UNC5C: variants seen among roughly 807,000 people sequenced by gnomAD.
UNC5C encodes unc-5 netrin receptor C.
In UNC5C, 47 loss-of-function variants were observed where a neutral mutation model predicts 99.8. The ratio of observed to expected loss-of-function variants is 0.47; its 90% confidence interval spans 0.37 to 0.60. The LOEUF is 0.60. Ranked by LOEUF, UNC5C falls within the 20% of genes least tolerant of loss-of-function variation. The probability of loss-of-function intolerance (pLI) is 0.00; values close to 1 mark genes in which losing one functional copy is unlikely to be tolerated. For missense variants in UNC5C, 1,062 were observed against 1,165.9 expected (o/e 0.91, Z 1.30); for synonymous variants, 487 against 452.2 (o/e 1.08, Z -0.98).
intron 5 of UNC5C, chr4:95,248,128 G>A (rs979315217): frequency 6.1e-6 from 1 of 164,896 alleles, no homozygotes; most frequent in African/African-American, 2.4e-5. Flanking sequence ...CTTTGGAACA[G>A]CATAGTGGTT....
intron 14 of UNC5C, among the ~76,000 whole-genome samples, chr4:95,177,331 G>T (rs1736405710): frequency 6.6e-6 from 1 of 152,172 alleles, no homozygotes; most frequent in Non-Finnish European, 1.5e-5. Flanking sequence ...GCCACACCCA[G>T]TTTCAGCCAT....
At chr4:95,357,126 C>CT (rs758274172) in intron 1 of UNC5C, among the ~76,000 whole-genome samples, 4 of 110,902 alleles carry the variant, frequency 3.6e-5, no homozygotes, top group East Asian at 4.0e-4. Flanking sequence ...TCTTGTTTTC[C>CT]TTTTTTTTGT....
chr4:95,290,818 A>G (rs905661889), intron 3 of UNC5C, among the ~76,000 whole-genome samples: 1 of 152,208 alleles, frequency 6.6e-6, no homozygotes, highest in African/African-American at 2.4e-5. Flanking sequence ...GTTCTCTCTT[A>G]GGAATTTACC....
At chr4:95,346,078 C>CAA (rs3068339) in intron 1 of UNC5C, among the ~76,000 whole-genome samples, 121,401 of 151,538 alleles carry the variant, frequency 0.8, 48,890 homozygotes, top group East Asian at 1. Flanking sequence ...GTTTCATTTT[C>CAA]AAGTTTTTTG....
At chr4:95,528,245 C>CTT (rs1383448568) in intron 1 of UNC5C, among the ~76,000 whole-genome samples, 1 of 152,120 alleles carries the variant, frequency 6.6e-6, no homozygotes, top group African/African-American at 2.4e-5. Flanking sequence ...TTGATTTGAA[C>CTT]TTACCTGAAG....
At chr4:95,232,660 C>G (rs1384513908) in intron 7 of UNC5C, among the ~76,000 whole-genome samples, 1 of 152,128 alleles carries the variant, frequency 6.6e-6, no homozygotes, top group African/African-American at 2.4e-5. Flanking sequence ...CTGTTTGGTG[C>G]TCCGTAGGTG....
chr4:95,257,629 T>G (rs1292004551), intron 4 of UNC5C, among the ~76,000 whole-genome samples: 2 of 152,192 alleles, frequency 1.3e-5, no homozygotes, highest in Non-Finnish European at 2.9e-5. Context: ...GAAAGGATAA[T>G]GATTCAGATT....
intron 2 of UNC5C, 106 bp from the exon 3 acceptor site, chr4:95,301,855 A>T: frequency 7.3e-7 from 1 of 1,365,262 alleles, no homozygotes; most frequent in Non-Finnish European, 9.9e-7. Flanking sequence ...GATGCCATAG[A>T]TCAACAACCC....
At chr4:95,538,607 T>C (rs1293659306) in intron 1 of UNC5C, among the ~76,000 whole-genome samples, 1 of 152,152 alleles carries the variant, frequency 6.6e-6, no homozygotes, top group Non-Finnish European at 1.5e-5. Context: ...CCCCACATCA[T>C]CAATGAATGG....
chr4:95,536,608 G>T (rs10018526), intron 1 of UNC5C, among the ~76,000 whole-genome samples: 22,561 of 151,994 alleles, frequency 0.15, 1,842 homozygotes, highest in Admixed American at 0.24. Context: ...TTATTGTGTG[G>T]CCAAATACAA....
chr4:95,516,154 T>C (rs542734753), intron 1 of UNC5C, among the ~76,000 whole-genome samples: 5 of 152,312 alleles, frequency 3.3e-5, no homozygotes, highest in Non-Finnish European at 5.9e-5. Flanking sequence ...TGTTTTCAGA[T>C]TGAATCCTTA....
intron 12 of UNC5C, among the ~76,000 whole-genome samples, chr4:95,201,768 T>C (rs1267891144): frequency 6.6e-6 from 1 of 151,868 alleles, no homozygotes; most frequent in African/African-American, 2.4e-5. Flanking sequence ...CATGCCCGGC[T>C]AATTTTTTTG....
intron 7 of UNC5C, among the ~76,000 whole-genome samples, chr4:95,220,552 T>A (rs1738434671): frequency 1.3e-5 from 2 of 152,190 alleles, no homozygotes; most frequent in African/African-American, 4.8e-5. Flanking sequence ...TTTAAAAACA[T>A]AAACATAAAC....
chr4:95,333,171 C>T (rs556506310), intron 2 of UNC5C, among the ~76,000 whole-genome samples: 1 of 152,220 alleles, frequency 6.6e-6, no homozygotes, highest in South Asian at 2.1e-4. Context: ...GGCGATTCCT[C>T]AGGGATCTAG....
chr4:95,400,585 G>GTTTC (rs909406866), intron 1 of UNC5C, among the ~76,000 whole-genome samples: 4 of 151,978 alleles, frequency 2.6e-5, no homozygotes, highest in African/African-American at 7.3e-5. Flanking sequence ...TAGAGACGGG[G>GTTTC]TTTCACCGTG....
intron 1 of UNC5C, among the ~76,000 whole-genome samples, chr4:95,443,317 A>G (rs941133297): frequency 1.3e-5 from 2 of 152,140 alleles, no homozygotes; most frequent in African/African-American, 4.8e-5. Flanking sequence ...GTCTTTGTGT[A>G]TTTTTGTGTT....
Position 95,224,187 on chromosome 4 carries a change from G to A in UNC5C, c.1109-4011C>T, listed in dbSNP as rs375904733. ...GATCCCGGCTACTCAGGAGGCTGAG[G>A]TGGGAGCATCACTTGAGACTGGGAG... On this transcript the variant is annotated intron_variant, in intron 7 of 15. Transcript: ENST00000453304. Among the ~76,000 whole-genome samples, 30 of 152,338 alleles carry A rather than the reference G, an allele frequency of 2.0e-4. No individual in the cohort carries two copies. In the East Asian group the frequency reaches 3.7e-3, roughly 19 times the overall value.
chr4:95,244,934 GAAT>G, intron 6 of UNC5C, 40 bp downstream of exon 6: 5 of 1,607,482 alleles, frequency 3.1e-6, no homozygotes, highest in Non-Finnish European at 4.2e-6. Context: ...CATGTTTCTT[GAAT>G]AATAGGAGAT....
chr4:95,204,298 A>G (rs574366118), intron 11 of UNC5C, among the ~76,000 whole-genome samples: 24 of 152,242 alleles, frequency 1.6e-4, no homozygotes, highest in Non-Finnish European at 2.5e-4. Context: ...GCCACAGAAT[A>G]TATCAGCTGA....
Sources: gnomAD v4.1 joint callset for allele counts (sites outside exome capture counted in the v4.1 genomes callset) on GRCh38, gnomAD v4.1.1 for gene constraint, MANE v1.5 for transcripts, NCBI Gene and HGNC (gene_info 2026-07-23, HGNC 2026-07-21) for gene names.